The following RFC2 variants were observed in gnomAD, a reference collection of about 807,000 sequenced individuals.
RFC2 encodes replication factor C subunit 2.
In RFC2, 34 loss-of-function variants were observed where a neutral mutation model predicts 44.8. That is an observed-to-expected ratio of 0.76 (90% CI 0.58 to 1.01). The LOEUF (loss-of-function observed/expected upper bound fraction) is 1.01. Ranked by LOEUF, RFC2 falls within the 50% of genes least tolerant of loss-of-function variation. RFC2 has a pLI of 0.00. For synonymous variants in RFC2, 177 were observed against 168.9 expected (o/e 1.05, Z -0.37); for missense variants, 400 against 453.6 (o/e 0.88, Z 1.07).
intron 6 of RFC2, among the ~76,000 whole-genome samples, chr7:74,242,367 C>T (rs1435877533): frequency 3.9e-5 from 6 of 152,058 alleles, no homozygotes; most frequent in East Asian, 1.9e-4. Context: ...TCTCCAAGCT[C>T]GTTTTCTTTC....
At position 74,249,070 on chromosome 7, in the gene RFC2, C is replaced by A; in HGVS notation, c.274G>T (p.Ala92Ser). ...TCTTTGAGTGCTGGGCCCAGCAGGG[C>A]CCGGGCCAAGCACAGAATGCTTGTG... Reference protein sequence around the residue: ...KTTSILCLARALLGPALKDAM... With the variant: ...KTTSILCLARSLLGPALKDAM... Residue 92 changes from alanine to serine, a missense_variant, in exon 4 of 11, where the codon GCC (alanine) becomes TCC (serine). Physicochemically the swap from Ala to Ser is moderately conservative, Grantham distance 99. Transcript: ENST00000055077. The A allele has an allele frequency of 6.2e-7, 1 of 1,614,060 alleles. No individual in the cohort carries two copies.
intron 6 of RFC2, 101 bp from the exon 7 acceptor site, chr7:74,240,196 C>A: frequency 9.3e-7 from 1 of 1,078,054 alleles, no homozygotes; most frequent in South Asian, 1.6e-5. Context: ...CCACACAGCC[C>A]CAGGCACTCA....
At chr7:74,237,185 C>T in intron 9 of RFC2, 177 bp downstream of exon 9, 1 of 507,828 alleles carries the variant, frequency 2.0e-6, no homozygotes, top group South Asian at 2.6e-5. Flanking sequence ...GCAATCACAG[C>T]TCACTGCAGC....
intron 7 of RFC2, 33 bp downstream of exon 7, chr7:74,239,905 A>T: frequency 6.5e-7 from 1 of 1,550,276 alleles, no homozygotes; most frequent in Non-Finnish European, 8.7e-7. Flanking sequence ...CAGGCACAGG[A>T]TGCCCACGCC....
intron 5 of RFC2, among the ~76,000 whole-genome samples, chr7:74,244,873 G>C (rs1554719753): frequency 6.6e-6 from 1 of 151,816 alleles, no homozygotes; most frequent in Non-Finnish European, 1.5e-5. Context: ...CTGAGGTGGA[G>C]GATCATTACA....
At chr7:74,242,995 G>A in intron 6 of RFC2, 151 bp downstream of exon 6, 1 of 564,678 alleles carries the variant, frequency 1.8e-6, no homozygotes, top group Non-Finnish European at 3.2e-6. Context: ...GAGGCAGGAA[G>A]ACCACTTGAG....
chr7:74,246,446 G>C (rs2116322367), intron 5 of RFC2, among the ~76,000 whole-genome samples: 1 of 150,412 alleles, frequency 6.6e-6, no homozygotes, highest in Non-Finnish European at 1.5e-5. Context: ...TAACGTAAGA[G>C]ATGCTGAAAC....
At chr7:74,242,221 C>T (rs534163870) in intron 6 of RFC2, among the ~76,000 whole-genome samples, 64 of 152,270 alleles carry the variant, frequency 4.2e-4, no homozygotes, top group Non-Finnish European at 7.9e-4. Flanking sequence ...ATCTGGAGAG[C>T]GACTGTGATC....
Position 74,238,876 on chromosome 7 carries a change from G to T in RFC2, c.759+47C>A. The T allele has an allele frequency of 6.6e-7, 1 of 1,511,524 alleles. No homozygotes were observed. Among genetic ancestry groups the T allele is most frequent in the Non-Finnish European group, 9.2e-7 (1 of 1,087,206 alleles). 93.6% of individuals were successfully genotyped at this position (1,511,524 alleles called of 1,614,324 possible). A position where few individuals can be genotyped will look rare whatever the true frequency, so the allele number is the denominator to read the frequency against. On this transcript the variant is annotated intron_variant, in intron 8 of 10. Coordinates refer to ENST00000055077, the MANE Select transcript of RFC2 (RefSeq NM_181471.3). The surrounding 1 kb of genome is among the most constrained non-coding windows in gnomAD (Gnocchi z 4.0). The stretch of plus-strand genomic sequence containing the variant: ...CCTTCAGCCCCACTGGCCCCCACAG[G>T]GAAGCACGGCTTCTGCTGACAGTAC...
chr7:74,250,645 T>G (rs1303929868), intron 2 of RFC2, among the ~76,000 whole-genome samples: 5 of 152,050 alleles, frequency 3.3e-5, no homozygotes, highest in Non-Finnish European at 7.4e-5. Context: ...TCTCCATCCC[T>G]TCTCTCCATC....
At chr7:74,240,270 G>A (rs963032314) in intron 6 of RFC2, among the ~76,000 whole-genome samples, 175 bp from the exon 7 acceptor site, 10 of 152,152 alleles carry the variant, frequency 6.6e-5, no homozygotes, top group Admixed American at 1.3e-4. Context: ...GGGAGGCTGA[G>A]GCGGGAGGAT....
intron 10 of RFC2, among the ~76,000 whole-genome samples, chr7:74,233,330 C>T (rs976816150): frequency 2.6e-5 from 4 of 152,108 alleles, no homozygotes; most frequent in African/African-American, 7.2e-5. Flanking sequence ...CTTGGCAACA[C>T]GGGGACACCC....
Position 74,254,254 on chromosome 7 carries a change from A to G in RFC2, c.113+17T>C. 1 of 1,589,132 alleles carries G rather than the reference A, an allele frequency of 6.3e-7. No homozygotes were observed. The highest frequency in any genetic ancestry group is 8.6e-7 in the Non-Finnish European group (1 of 1,158,724). Reference sequence around the variant, plus strand: ...TCACGTCCAAACGCGCCCATTCTTTACGGCCTGGGACCTCACCACGGCAGT... The same window carrying G: ...TCACGTCCAAACGCGCCCATTCTTTGCGGCCTGGGACCTCACCACGGCAGT... On this transcript the variant is annotated intron_variant, in intron 1 of 10. Coordinates refer to ENST00000055077, the MANE Select transcript of RFC2 (RefSeq NM_181471.3).
chr7:74,245,586 G>A (rs1466659867), intron 5 of RFC2, among the ~76,000 whole-genome samples: 3 of 150,644 alleles, frequency 2.0e-5, no homozygotes, highest in Non-Finnish European at 3.0e-5. Flanking sequence ...GGTGGAGGGC[G>A]CCTGTAGTCC....
At chr7:74,239,031 A>C (rs781976216) in intron 7 of RFC2, 43 bp from the exon 8 acceptor site, 7 of 1,540,836 alleles carry the variant, frequency 4.5e-6, no homozygotes, top group South Asian at 2.3e-5. Context: ...TTTTATATTT[A>C]TTTCTTTTTG....
chr7:74,254,377 C>T lies in RFC2; in HGVS notation c.7G>A (p.Val3Met), dbSNP rs782669502. 1 of 1,597,882 alleles carries T rather than the reference C, an allele frequency of 6.3e-7. No homozygotes were observed. Among genetic ancestry groups the T allele is most frequent in the Non-Finnish European group, 8.5e-7 (1 of 1,170,478 alleles). ...CCCGCGCCACCACAGACGGCCTCCA[C>T]CTCCATTCTCGCGCCTCCTCTTCCC... MEVEAVCGGAGEV... is the reference protein window; with the variant it reads MEMEAVCGGAGEV... The change falls in exon 1 of 11, where the codon GTG (valine) becomes ATG (methionine). Residue 3 changes from valine to methionine, a missense_variant. Transcript: ENST00000055077.
chr7:74,238,335 G>A lies in RFC2; in HGVS notation c.759+588C>T, dbSNP rs782294965. On this transcript the variant is annotated intron_variant, in intron 8 of 10. Transcript: ENST00000055077. The surrounding 1 kb of genome is among the most constrained non-coding windows in gnomAD (Gnocchi z 4.0). ...AATCTCTCAAATGGCATTTAGACGCGGAGTTATCAGGATGCGGAAGCAGTT... is the reference window on the plus strand; with the variant it reads ...AATCTCTCAAATGGCATTTAGACGCAGAGTTATCAGGATGCGGAAGCAGTT... Among the ~76,000 whole-genome samples the A allele has an allele frequency of 2.0e-5, 3 of 152,134 alleles. No individual in the cohort carries two copies. The highest frequency in any genetic ancestry group is 2.4e-5 in the African/African-American group (1 of 41,444).
At chr7:74,240,521 A>G (rs201449642) in intron 6 of RFC2, among the ~76,000 whole-genome samples, 10,200 of 145,448 alleles carry the variant, frequency 0.07, 401 homozygotes, top group Non-Finnish European at 0.078. Context: ...AAAAAAAAAA[A>G]AGAGAGAGAG....
At chr7:74,247,460 C>A (rs1241035912) in intron 4 of RFC2, among the ~76,000 whole-genome samples, 1 of 152,150 alleles carries the variant, frequency 6.6e-6, no homozygotes, top group South Asian at 2.1e-4. Flanking sequence ...GCCAACACGG[C>A]GAAAATCCAT....
Sources: allele counts gnomAD v4.1 joint callset (sites outside exome capture counted in the v4.1 genomes callset), GRCh38; gene constraint gnomAD v4.1.1; non-coding constraint Gnocchi (gnomAD v3.1); transcripts MANE v1.5; gene names NCBI Gene and HGNC (gene_info 2026-07-23, HGNC 2026-07-21).